Variants in TNFRSF11B observed in about 807,000 individuals in gnomAD.
TNFRSF11B encodes TNF receptor superfamily member 11b, also known as tumor necrosis factor receptor superfamily member 11B.
Under a neutral mutation model 43.4 loss-of-function variants are expected in TNFRSF11B, and 16 were observed. The ratio of observed to expected loss-of-function variants is 0.37; its 90% CI spans 0.25 to 0.56. TNFRSF11B has a LOEUF of 0.56. Ranked by LOEUF, TNFRSF11B falls within the 20% of genes least tolerant of loss-of-function variation. TNFRSF11B has a pLI of 0.80. For missense variants in TNFRSF11B, 444 were observed against 490.1 expected, an observed-to-expected ratio of 0.91 and a Z score of 0.89; for synonymous variants, 185 against 181.8, an observed-to-expected ratio of 1.02 and a Z score of -0.14.
At chr8:118,938,067 TAAG>T (rs1272693485) in intron 1 of TNFRSF11B, among the ~76,000 whole-genome samples, 1 of 152,176 alleles carries the variant, frequency 6.6e-6, no homozygotes, top group Non-Finnish European at 1.5e-5. Flanking sequence ...TCCCCATATT[TAAG>T]AAGTAGGAAA....
chr8:118,938,485 A>G (rs2129907523), intron 1 of TNFRSF11B, among the ~76,000 whole-genome samples: 1 of 152,346 alleles, frequency 6.6e-6, no homozygotes, highest in South Asian at 2.1e-4. Flanking sequence ...ACAGAATTCA[A>G]ACTTAGAGCA....
chr8:118,934,381 G>A (rs1394110020), intron 1 of TNFRSF11B, among the ~76,000 whole-genome samples: 1 of 152,166 alleles, frequency 6.6e-6, no homozygotes, highest in African/African-American at 2.4e-5. Flanking sequence ...ACTCTCATAG[G>A]TGAATGACAT....
intron 1 of TNFRSF11B, among the ~76,000 whole-genome samples, chr8:118,933,902 T>C (rs3134053): frequency 0.89 from 136,224 of 152,226 alleles, 61,114 homozygotes; most frequent in Non-Finnish European, 0.92. Context: ...TGGGATACAA[T>C]TCTGAATAAA....
At chr8:118,927,726 G>A (rs1037428154) in intron 3 of TNFRSF11B, among the ~76,000 whole-genome samples, 1 of 152,062 alleles carries the variant, frequency 6.6e-6, no homozygotes, top group South Asian at 2.1e-4. Flanking sequence ...GGAGAGTCAA[G>A]CTGGTTTATA....
intron 3 of TNFRSF11B, among the ~76,000 whole-genome samples, chr8:118,927,271 C>A (rs888495383): frequency 6.6e-6 from 1 of 152,206 alleles, no homozygotes. Context: ...ATAGGCATTA[C>A]AAAGCCCAGA....
intron 1 of TNFRSF11B, among the ~76,000 whole-genome samples, chr8:118,939,739 T>G (rs1250598669): frequency 6.6e-6 from 1 of 152,130 alleles, no homozygotes; most frequent in East Asian, 1.9e-4. Context: ...AACTATGTAT[T>G]GGGAACTCAG....
chr8:118,924,701 C>T lies in TNFRSF11B; in HGVS notation c.879G>A (p.Glu293=). 3.1e-6 allele frequency: 5 copies of T among 1,614,166 alleles called. No homozygotes were observed. The highest frequency in any genetic ancestry group is 4.2e-6 in the Non-Finnish European group (5 of 1,180,046). Reference sequence around the variant, plus strand: ...AGCTTTCCATCAAGCTACGAAGCTGCTCGAAGGTGAGGTTAGCATGTCCAA... The same window carrying T: ...AGCTTTCCATCAAGCTACGAAGCTGTTCGAAGGTGAGGTTAGCATGTCCAA... ...RHIGHANLTF[E]QLRSLMESLP... The change falls in exon 5 of 5, where the codon GAG becomes GAA. Residue 293 remains glutamate (E), a synonymous_variant. Coordinates refer to ENST00000297350, the MANE Select transcript of TNFRSF11B (RefSeq NM_002546.4).
chr8:118,938,950 C>A (rs1404182942), intron 1 of TNFRSF11B, among the ~76,000 whole-genome samples: 1 of 152,154 alleles, frequency 6.6e-6, no homozygotes, highest in Non-Finnish European at 1.5e-5. Context: ...TTAAAAGAAG[C>A]CCACACAAAG....
intron 1 of TNFRSF11B, among the ~76,000 whole-genome samples, chr8:118,949,312 G>A (rs868542944): frequency 6.6e-6 from 1 of 151,976 alleles, no homozygotes; most frequent in African/African-American, 2.4e-5. Context: ...CCTCCTCCAG[G>A]ATGACGGTAG....
intron 1 of TNFRSF11B, among the ~76,000 whole-genome samples, chr8:118,942,959 A>C (rs955501751): frequency 5.3e-5 from 8 of 152,054 alleles, no homozygotes; most frequent in Non-Finnish European, 1.2e-4. Flanking sequence ...CCGTCTGTCC[A>C]CCTACCCACC....
intron 4 of TNFRSF11B, among the ~76,000 whole-genome samples, chr8:118,925,618 A>G (rs1163165763): frequency 6.6e-6 from 1 of 152,204 alleles, no homozygotes; most frequent in Non-Finnish European, 1.5e-5. Context: ...GGTTTCAGAT[A>G]CTTGAAGTTT....
chr8:118,947,863 T>A (rs1348161614), intron 1 of TNFRSF11B, among the ~76,000 whole-genome samples: 3 of 152,182 alleles, frequency 2.0e-5, no homozygotes, highest in Non-Finnish European at 4.4e-5. Context: ...TTATTCCTAG[T>A]GGTGTGTTTA....
At chr8:118,933,713 C>T (rs1812359538) in intron 1 of TNFRSF11B, among the ~76,000 whole-genome samples, 2 of 152,202 alleles carry the variant, frequency 1.3e-5, no homozygotes, top group Admixed American at 1.3e-4. Context: ...TCCTGGGATT[C>T]ATATCCTTAA....
chr8:118,948,010 A>G (rs1353028534), intron 1 of TNFRSF11B, among the ~76,000 whole-genome samples: 1 of 152,222 alleles, frequency 6.6e-6, no homozygotes, highest in Non-Finnish European at 1.5e-5. Context: ...TTTAAAAATT[A>G]TATGTGTAGG....
intron 1 of TNFRSF11B, among the ~76,000 whole-genome samples, chr8:118,934,783 C>A (rs1441678708): frequency 6.6e-6 from 1 of 152,174 alleles, no homozygotes; most frequent in African/African-American, 2.4e-5. Context: ...ACTCTCTTTG[C>A]AGAATTCAGG....
At chr8:118,940,426 G>A (rs1350963210) in intron 1 of TNFRSF11B, among the ~76,000 whole-genome samples, 1 of 152,136 alleles carries the variant, frequency 6.6e-6, no homozygotes, top group East Asian at 1.9e-4. Flanking sequence ...TTGGAAACCT[G>A]CATTTAGAAT....
intron 1 of TNFRSF11B, among the ~76,000 whole-genome samples, chr8:118,938,442 T>C (rs1037058489): frequency 2.0e-5 from 3 of 152,224 alleles, no homozygotes; most frequent in African/African-American, 7.2e-5. Flanking sequence ...GTCAGGGTAA[T>C]TAACTTGTTT....
intron 1 of TNFRSF11B, among the ~76,000 whole-genome samples, chr8:118,945,934 C>A (rs1196037825): frequency 6.6e-6 from 1 of 151,988 alleles, no homozygotes; most frequent in Non-Finnish European, 1.5e-5. Context: ...GAGTAGAAAT[C>A]TTAAAGCTAT....
intron 2 of TNFRSF11B, among the ~76,000 whole-genome samples, chr8:118,931,957 G>T (rs1812336026): frequency 6.6e-6 from 1 of 152,116 alleles, no homozygotes; most frequent in South Asian, 2.1e-4. Flanking sequence ...TTGGTATCTA[G>T]TGGCTAGAGT....
Sources: gnomAD v4.1 joint callset for allele counts (sites outside exome capture counted in the v4.1 genomes callset) on GRCh38, gnomAD v4.1.1 for gene constraint, MANE v1.5 for transcripts, NCBI Gene and HGNC (gene_info 2026-07-23, HGNC 2026-07-21) for gene names.